NFIB: variants seen among roughly 807,000 people sequenced by gnomAD.
The protein encoded by NFIB is nuclear factor I B.
A neutral mutation model predicts 61.5 loss-of-function variants in NFIB; 11 were observed. The ratio of observed to expected loss-of-function variants is 0.18; its 90% CI spans 0.11 to 0.30. NFIB has a LOEUF of 0.30. Among genes scored for constraint, NFIB ranks in the 10% least tolerant of loss-of-function variants. The pLI is 1.00. For missense variants in NFIB, 471 were observed against 608.9 expected, an observed-to-expected ratio of 0.77 and a Z score of 2.38; for synonymous variants, 260 against 216.5, an observed-to-expected ratio of 1.20 and a Z score of -1.76.
rs77244873 is a variant in NFIB at position 14,136,302 on chromosome 9, T to C, written c.925+10387A>G. On this transcript the variant is annotated intron_variant, in intron 6 of 10. Coordinates refer to ENST00000380953, the MANE Select transcript of NFIB (RefSeq NM_001190737.2). ...AAAGAGAGAAAAAACATCAAACAAT[T>C]ATGCAGGACTTGGAGCATATTTTCG... Among the ~76,000 whole-genome samples the C allele has an allele frequency of 3.5e-3, 526 of 152,222 alleles. 3 individuals carry two copies. Among genetic ancestry groups the C allele is most frequent in the South Asian group, 0.014 (67 of 4,824 alleles).
At chr9:14,370,045 C>G (rs150674433) in intron 1 of NFIB, among the ~76,000 whole-genome samples, 1 of 152,316 alleles carries the variant, frequency 6.6e-6, no homozygotes, top group Non-Finnish European at 1.5e-5. Context: ...ATGTTCTTGG[C>G]TTTAGCTATT....
chr9:14,422,390 A>G, the NFIB span, among the ~76,000 whole-genome samples: 1 of 152,186 alleles, frequency 6.6e-6, no homozygotes, highest in Non-Finnish European at 1.5e-5. Flanking sequence ...TTTGCTCACC[A>G]TAATGTTTCT....
the NFIB span, among the ~76,000 whole-genome samples, chr9:14,458,799 C>A: frequency 6.6e-6 from 1 of 152,012 alleles, no homozygotes; most frequent in African/African-American, 2.4e-5. Flanking sequence ...ACCTAGGAAT[C>A]CAACTTACAA....
At chr9:14,280,705 A>T (rs1209984914) in intron 2 of NFIB, among the ~76,000 whole-genome samples, 2 of 152,142 alleles carry the variant, frequency 1.3e-5, no homozygotes, top group Admixed American at 1.3e-4. Context: ...GTGTGGGTGC[A>T]TAGGAGGTGT....
chr9:14,315,782 T>G (rs1046707265), upstream of NFIB, among the ~76,000 whole-genome samples: 1 of 151,436 alleles, frequency 6.6e-6, no homozygotes, highest in African/African-American at 2.4e-5. Context: ...GTTTTCTGCT[T>G]GGGGTGGATG....
intron 2 of NFIB, among the ~76,000 whole-genome samples, chr9:14,221,799 T>A (rs972779567): frequency 6.6e-6 from 1 of 152,250 alleles, no homozygotes; most frequent in African/African-American, 2.4e-5. Context: ...TGCCAGCTAA[T>A]CATTCTTTAC....
chr9:14,408,951 C>A, the NFIB span, among the ~76,000 whole-genome samples: 2 of 152,196 alleles, frequency 1.3e-5, no homozygotes, highest in South Asian at 4.1e-4. Flanking sequence ...AGTTACATAG[C>A]CAGTAAATGG....
At position 14,083,163 on chromosome 9, in the gene NFIB, C is replaced by G. The variant is rs895871538; in HGVS notation, c.*5146G>C. 4.6e-6 allele frequency: 1 copy of G among 218,236 alleles called. No homozygotes were observed. The highest frequency in any genetic ancestry group is 5.8e-5 in the Admixed American group (1 of 17,176). 13.5% of individuals were successfully genotyped at this position (218,236 alleles called of 1,614,324 possible). A position where few individuals can be genotyped will look rare whatever the true frequency, so the allele number is the denominator to read the frequency against. The stretch of plus-strand genomic sequence containing the variant: ...TGCAACAAAAAATGTAAAAATTGAC[C>G]GTCTCCAACTTGTCCCCTTTACTAT... On this transcript the variant is annotated 3_prime_UTR_variant, in exon 11 of 11. Coordinates refer to ENST00000380953, the MANE Select transcript of NFIB (RefSeq NM_001190737.2).
At chr9:14,508,903 T>C in the NFIB span, among the ~76,000 whole-genome samples, 2 of 152,228 alleles carry the variant, frequency 1.3e-5, no homozygotes, top group Non-Finnish European at 2.9e-5. Flanking sequence ...TTGAAACTTA[T>C]TTGTTTGACA....
At chr9:14,403,204 C>T (rs772259571), upstream of NFIB, among the ~76,000 whole-genome samples, 2 of 152,156 alleles carry the variant, frequency 1.3e-5, no homozygotes, top group Non-Finnish European at 2.9e-5. Context: ...ATCTGAGCAT[C>T]TACGGCTATG....
intron 2 of NFIB, among the ~76,000 whole-genome samples, chr9:14,191,058 TG>T (rs2047893567): frequency 6.6e-6 from 1 of 150,812 alleles, no homozygotes; most frequent in Non-Finnish European, 1.5e-5. Flanking sequence ...CTGGGCGTAG[TG>T]GTGGGTGCCT....
chr9:14,498,833 T>TCCTCCCTTCCTC, the NFIB span, among the ~76,000 whole-genome samples: 9 of 84,616 alleles, frequency 1.1e-4, no homozygotes, highest in African/African-American at 5.6e-4. Flanking sequence ...CTTCCTCCCT[T>TCCTCCCTTCCTC]CCTTCCTTCC....
the NFIB span, among the ~76,000 whole-genome samples, chr9:14,435,324 T>A: frequency 6.6e-6 from 1 of 152,222 alleles, no homozygotes; most frequent in African/African-American, 2.4e-5. Flanking sequence ...GCTGTGGCCA[T>A]GTACCAACTG....
At chr9:14,453,122 A>C in the NFIB span, among the ~76,000 whole-genome samples, 1 of 152,230 alleles carries the variant, frequency 6.6e-6, no homozygotes, top group African/African-American at 2.4e-5. Flanking sequence ...AATCTTGTTC[A>C]GGGTATCTTT....
At chr9:14,405,274 T>G in the NFIB span, among the ~76,000 whole-genome samples, 3 of 152,196 alleles carry the variant, frequency 2.0e-5, no homozygotes, top group Admixed American at 6.5e-5. Context: ...CCAATTAGAT[T>G]TTAGTGGATG....
At position 14,313,470 on chromosome 9, in the gene NFIB, C is replaced by T. The variant is rs768458256; in HGVS notation, c.30+12G>A. On this transcript the variant is annotated intron_variant, in intron 1 of 10. Transcript: ENST00000380953. The surrounding 1 kb of genome is among the most constrained non-coding windows in gnomAD (Gnocchi z 4.5). ...CAGAGAGAAAGCTCGAGAAAGCGAC[C>T]GAGACATGTACCTGAGTGAGACAGA... 1.9e-6 allele frequency: 3 copies of T among 1,613,178 alleles called. No homozygotes were observed. Among genetic ancestry groups the T allele is most frequent in the Non-Finnish European group, 2.5e-6 (3 of 1,179,598 alleles).
rs187179012 is a variant in NFIB at position 14,134,718 on chromosome 9, G to A, written c.926-8952C>T. 3.0e-3 allele frequency among the ~76,000 whole-genome samples: 450 copies of A among 151,884 alleles called. 2 individuals carry two copies. Among genetic ancestry groups the A allele is most frequent in the African/African-American group, 0.01 (425 of 41,416 alleles). ...TCGAGACCAGCCTGGCCAACATGGC[G>A]AATCCCCATCTCTACTAAAACTACA... On this transcript the variant is annotated intron_variant, in intron 6 of 10. Transcript: ENST00000380953.
intron 6 of NFIB, among the ~76,000 whole-genome samples, chr9:14,145,531 C>A (rs576991642): frequency 5.3e-5 from 8 of 152,178 alleles, no homozygotes; most frequent in African/African-American, 1.9e-4. Flanking sequence ...CTGACTTTGG[C>A]CTTAACTGTT....
rs146765479 is a variant in NFIB, at chr9:14,150,149, T to A, written c.802A>T (p.Ser268Cys). The A allele has an allele frequency of 6.2e-6, 10 of 1,613,326 alleles. No individual in the cohort carries two copies. The African/African-American group carries it at 1.3e-4, about 22-fold the overall frequency. The change falls in exon 5 of 11, where the codon AGC becomes TGC. Residue 268 changes from serine (S) to cysteine (C), a missense_variant. By Grantham distance (112) the Ser-to-Cys change is moderately radical. Coordinates refer to ENST00000380953, the MANE Select transcript of NFIB (RefSeq NM_001190737.2). The part of the protein sequence containing the change: ...NLQRSLSSPP[S>C]SKRPKTISID... ...GAGCAGCCCTTCTTTCAGTACCTGC[T>A]TGGTGGAGAAGACAGAGACCTCTGA...
Sources: gnomAD v4.1 joint callset for allele counts (sites outside exome capture counted in the v4.1 genomes callset) on GRCh38, gnomAD v4.1.1 for gene constraint, Gnocchi (gnomAD v3.1) non-coding constraint, MANE v1.5 for transcripts, NCBI Gene and HGNC (gene_info 2026-07-23, HGNC 2026-07-21) for gene names.